LPIN3: variants seen among roughly 807,000 people sequenced by gnomAD.
LPIN3 encodes the protein lipin 3.
A neutral mutation model predicts 94.7 loss-of-function variants in LPIN3; 82 were observed. The ratio of observed to expected loss-of-function variants is 0.87; its 90% CI spans 0.72 to 1.04. The LOEUF (loss-of-function observed/expected upper bound fraction) is 1.04, where lower values mean the gene tolerates loss of function less well. Ranked by LOEUF, LPIN3 falls within the 50% of genes least tolerant of loss-of-function variation. LPIN3 has a pLI of 0.00. For missense variants in LPIN3, 996 were observed against 1,090.5 expected, an observed-to-expected ratio of 0.91 and a Z score of 1.22; for synonymous variants, 418 against 443.3, an observed-to-expected ratio of 0.94 and a Z score of 0.72.
Position 41,345,995 on chromosome 20 carries a change from G to T in LPIN3, c.192G>T (p.Val64=), listed in dbSNP as rs781423258. Residue 64 remains valine (V), a splice_region_variant and synonymous_variant, in exon 2 of 20, where the codon GTG becomes GTT. Coordinates refer to ENST00000373257, the MANE Select transcript of LPIN3 (RefSeq NM_022896.3). Reference sequence around the variant, plus strand: ...GCGTCCTGCGGTCGCGGGAGAAGGTGGTGAGTGCTCAGGCTGGCTGAGGTG... The same window carrying T: ...GCGTCCTGCGGTCGCGGGAGAAGGTTGTGAGTGCTCAGGCTGGCTGAGGTG... ...KLGVLRSREK[V]VDIELNGEPV... 3.1e-6 allele frequency: 5 copies of T among 1,612,508 alleles called. No homozygotes were observed. In the Admixed American group the frequency reaches 8.3e-5, roughly 27 times the overall value.
At position 41,352,110 on chromosome 20, in the gene LPIN3, C is replaced by G. The variant is rs764467717; in HGVS notation, c.1253C>G (p.Ser418Cys). Residue 418 changes from serine (S) to cysteine (C), a missense_variant, in exon 9 of 20, where the codon TCC (serine) becomes TGC (cysteine). Physicochemically the swap from Ser to Cys is moderately radical, Grantham distance 112 (BLOSUM62 -1). Transcript: ENST00000373257. ...TGGAGTGAACCCAGCAGTCAGAAGT[C>G]CCTGAGGGACCCCAACCCTGAACAT... ...RRWSEPSSQK[S>C]LRDPNPEHEP... 4.3e-6 allele frequency: 7 copies of G among 1,614,232 alleles called. No individual in the cohort carries two copies. Among genetic ancestry groups the G allele is most frequent in the Non-Finnish European group, 5.9e-6 (7 of 1,180,038 alleles).
In LPIN3 at chr20:41,357,207, T is replaced by C. The variant is rs6072350; in HGVS notation, c.1952+19T>C. ...TCACCAAGTGAGGCCCACCCAGCTG[T>C]GGGAAGGGGAGGGAGAGGGGTTGTG... On this transcript the variant is annotated intron_variant, in intron 15 of 19. Transcript: ENST00000373257. 0.16 allele frequency: 265,660 copies of C among 1,612,992 alleles called. 23,822 individuals are homozygous for C. The highest frequency in any genetic ancestry group is 0.18 in the Non-Finnish European group (214,133 of 1,179,554).
intron 1 of LPIN3, among the ~76,000 whole-genome samples, chr20:41,344,074 GA>G (rs2045683354): frequency 6.6e-6 from 1 of 151,328 alleles, no homozygotes; most frequent in South Asian, 2.1e-4. Context: ...AAAAAAAAAA[GA>G]AAAGAAAAGA....
chr20:41,353,866 T>C (rs891538047), intron 11 of LPIN3, among the ~76,000 whole-genome samples: 2 of 152,192 alleles, frequency 1.3e-5, no homozygotes, highest in African/African-American at 4.8e-5. Flanking sequence ...GGGTCTGAGG[T>C]AGGACCCAGA....
chr20:41,351,725 C>A, intron 7 of LPIN3, 96 bp from the exon 8 acceptor site: 1 of 1,060,844 alleles, frequency 9.4e-7, no homozygotes, highest in Non-Finnish European at 1.4e-6. Flanking sequence ...TTCTGCTGGG[C>A]AGCACTGCCT....
intron 13 of LPIN3, among the ~76,000 whole-genome samples, chr20:41,355,304 C>T (rs1356274318): frequency 1.3e-5 from 2 of 152,194 alleles, no homozygotes; most frequent in East Asian, 3.9e-4. Context: ...TGAGCCACCG[C>T]AAGCACTTCT....
At chr20:41,353,814 G>A (rs146348014) in intron 11 of LPIN3, among the ~76,000 whole-genome samples, 3 of 152,312 alleles carry the variant, frequency 2.0e-5, no homozygotes, top group African/African-American at 4.8e-5. Flanking sequence ...GTTGACAGCT[G>A]TCACTGCCAT....
intron 5 of LPIN3, 85 bp downstream of exon 5, chr20:41,349,257 C>T (rs2045909942): frequency 6.8e-6 from 8 of 1,175,548 alleles, no homozygotes; most frequent in Non-Finnish European, 9.9e-6. Flanking sequence ...ACTAATGACA[C>T]AGGACCCATT....
chr20:41,345,655 C>A, intron 1 of LPIN3, 141 bp from the exon 2 acceptor site: 1 of 863,958 alleles, frequency 1.2e-6, no homozygotes, highest in Non-Finnish European at 1.7e-6. Context: ...CCTCCCATCG[C>A]ACAGCTGCTG....
chr20:41,345,262 C>G (rs1355898289), intron 1 of LPIN3, among the ~76,000 whole-genome samples: 1 of 152,216 alleles, frequency 6.6e-6, no homozygotes, highest in Non-Finnish European at 1.5e-5. Context: ...CCCACCCCCT[C>G]CGTTTTCACA....
chr20:41,344,283 G>C (rs1437997566), intron 1 of LPIN3, among the ~76,000 whole-genome samples: 6 of 152,206 alleles, frequency 3.9e-5, no homozygotes, highest in Non-Finnish European at 8.8e-5. Context: ...AGCATGGAGT[G>C]GAAGGAGACC....
chr20:41,342,067 C>T (rs1409447864), intron 1 of LPIN3, among the ~76,000 whole-genome samples: 1 of 152,192 alleles, frequency 6.6e-6, no homozygotes, highest in Admixed American at 6.5e-5. Flanking sequence ...ACAGGACCAG[C>T]CTGCATGAGT....
rs2046342081 is a variant in LPIN3 at position 41,360,239 on chromosome 20, C to G, written c.*1373C>G. 1 of 152,478 alleles carries G rather than the reference C, an allele frequency of 6.6e-6. No homozygotes were observed. The highest frequency in any genetic ancestry group is 1.5e-5 in the Non-Finnish European group (1 of 68,062). The allele number at this position is 152,478 out of a possible 1,614,324, so 9.4% of individuals were successfully genotyped here. ...TGAATTTCTCACCTTTTGTGAACAT[C>G]TTGGGAGGGTGGGGGTTTTGCAGGG... On this transcript the variant is annotated 3_prime_UTR_variant, in exon 20 of 20. Transcript: ENST00000373257.
rs766440303 is a variant in LPIN3, at chr20:41,357,455, C to T, written c.2039+8C>T. On this transcript the variant is annotated splice_region_variant and intron_variant, in intron 16 of 19. Coordinates refer to ENST00000373257, the MANE Select transcript of LPIN3 (RefSeq NM_022896.3). ...CTATCACAAAATCCAACTGTGAGTGCCTGGGCTGGGGCTGGGGCTGAGGCG... is the reference window on the plus strand; with the variant it reads ...CTATCACAAAATCCAACTGTGAGTGTCTGGGCTGGGGCTGGGGCTGAGGCG... 1.2e-6 allele frequency: 2 copies of T among 1,610,150 alleles called. No individual in the cohort carries two copies. The highest frequency in any genetic ancestry group is 1.1e-5 in the South Asian group (1 of 90,972).
rs2045892408 is a variant in LPIN3 at position 41,348,905 on chromosome 20, G to A, written c.557+18G>A. The A allele has an allele frequency of 1.3e-6, 2 of 1,595,204 alleles. No individual in the cohort carries two copies. Among genetic ancestry groups the A allele is most frequent in the African/African-American group, 1.3e-5 (1 of 74,452 alleles). On this transcript the variant is annotated intron_variant, in intron 4 of 19. Coordinates refer to ENST00000373257, the MANE Select transcript of LPIN3 (RefSeq NM_022896.3). The stretch of plus-strand genomic sequence containing the variant: ...CCCCCAGGGTGTGTAAGGACCAAGG[G>A]ACTTGAACCCCAGTTTGGGGGTTCA...
At chr20:41,356,863 T>C (rs1490186848) in intron 14 of LPIN3, among the ~76,000 whole-genome samples, 177 bp from the exon 15 acceptor site, 2 of 152,190 alleles carry the variant, frequency 1.3e-5, no homozygotes, top group Admixed American at 1.3e-4. Context: ...GGCCACCCTC[T>C]GCCCACATGG....
intron 3 of LPIN3, among the ~76,000 whole-genome samples, chr20:41,348,040 C>G (rs2045850029): frequency 6.6e-6 from 1 of 152,106 alleles, no homozygotes; most frequent in African/African-American, 2.4e-5. Flanking sequence ...TGGCTGGAAC[C>G]TAGAAGTGTG....
At position 41,358,924 on chromosome 20, in the gene LPIN3, GGGTATAGGAGGGT is replaced by G; in HGVS notation, c.*61_*73del. 1 of 1,579,706 alleles carries G rather than the reference GGGTATAGGAGGGT, an allele frequency of 6.3e-7. No homozygotes were observed. Among genetic ancestry groups the G allele is most frequent in the Non-Finnish European group, 8.6e-7 (1 of 1,162,780 alleles). ...GGCCCAGGACTGGCTAGGTGTCCTG[GGGTATAGGAGGGT>G]GGGAATTGGAGTGTCATGGGGCAAA... On this transcript the variant is annotated 3_prime_UTR_variant, in exon 20 of 20. Transcript: ENST00000373257.
In LPIN3 at chr20:41,359,123, CTTT is replaced by C. The variant is rs75257468; in HGVS notation, c.*280_*282del. ...TTGTCATCTGGGCCCTTGCAGGGTT[CTTT>C]TTTTTTTTTTTTTTTTTTTTTTCCT... is the stretch of plus-strand genomic sequence containing the variant. On this transcript the variant is annotated 3_prime_UTR_variant, in exon 20 of 20. Coordinates refer to ENST00000373257, the MANE Select transcript of LPIN3 (RefSeq NM_022896.3). 1.4e-3 allele frequency: 109 copies of C among 76,980 alleles called. No homozygotes were observed. The highest frequency in any genetic ancestry group is 2.8e-3 in the Admixed American group (17 of 6,170). The allele number at this position is 76,980 out of a possible 1,614,324, so 4.8% of individuals were successfully genotyped here.
Sources: gnomAD v4.1 joint callset for allele counts (sites outside exome capture counted in the v4.1 genomes callset) on GRCh38, gnomAD v4.1.1 for gene constraint, MANE v1.5 for transcripts, NCBI Gene and HGNC (gene_info 2026-07-23, HGNC 2026-07-21) for gene names.